Variants in ULK4 observed in about 807,000 individuals in gnomAD.
ULK4 encodes unc-51 like kinase 4, also known as inactive serine/threonine-protein kinase ULK4.
A neutral mutation model predicts 160.6 loss-of-function variants in ULK4; 133 were observed. That is an observed-to-expected ratio of 0.83 (90% CI 0.72 to 0.96). The LOEUF (loss-of-function observed/expected upper bound fraction) is 0.96, where lower values mean the gene tolerates loss of function less well. ULK4 is among the 40% of genes least tolerant of loss of function. The pLI, the probability that ULK4 is intolerant of heterozygous loss-of-function variation, is 0.00. For synonymous variants in ULK4, 534 were observed against 539.8 expected, an observed-to-expected ratio of 0.99 and a Z score of 0.15; for missense variants, 1,580 against 1,499.5, an observed-to-expected ratio of 1.05 and a Z score of -0.89.
rs750266031 is a variant in ULK4, at chr3:41,658,423, T to C, written c.3071+5184A>G. On this transcript the variant is annotated intron_variant, in intron 30 of 36. Coordinates refer to ENST00000301831, the MANE Select transcript of ULK4 (RefSeq NM_017886.4). ...CAGCCAAGTTTGGAAATCGCTTGCT[T>C]AAATATCTTTTGATAAGCAATTCCA... Among the ~76,000 whole-genome samples the C allele has an allele frequency of 7.6e-4, 116 of 152,202 alleles. 1 individual carries two copies. Among genetic ancestry groups the C allele is most frequent in the Non-Finnish European group, 3.4e-4 (23 of 68,038 alleles).
At chr3:41,659,157 A>T (rs961794105) in intron 30 of ULK4, among the ~76,000 whole-genome samples, 1 of 152,370 alleles carries the variant, frequency 6.6e-6, no homozygotes, top group African/African-American at 2.4e-5. Flanking sequence ...CAATGCTGAT[A>T]GAAATGTAAA....
Position 41,858,147 on chromosome 3 carries a change from GTT to G in ULK4, c.1657-22178_1657-22177del, listed in dbSNP as rs71288052. ...GTATCCCATAGGGTTTTTTTTGTTT[GTT>G]TTTTTTTTTTTTTTTTTTTTTGGCA... On this transcript the variant is annotated intron_variant, in intron 17 of 36. Coordinates refer to ENST00000301831, the MANE Select transcript of ULK4 (RefSeq NM_017886.4). 1.1e-3 allele frequency among the ~76,000 whole-genome samples: 102 copies of G among 92,136 alleles called. 1 individual carries two copies. The highest frequency in any genetic ancestry group is 3.0e-3 in the Admixed American group (21 of 6,992). The allele number at this position is 92,136 out of a possible 152,430, so 60.4% of individuals were successfully genotyped here.
At chr3:41,627,622 A>G (rs905658929) in intron 30 of ULK4, among the ~76,000 whole-genome samples, 1 of 152,238 alleles carries the variant, frequency 6.6e-6, no homozygotes, top group Non-Finnish European at 1.5e-5. Flanking sequence ...TATTTAATTT[A>G]TGATTAACAT....
chr3:41,592,581 T>A (rs2031420776), intron 31 of ULK4, among the ~76,000 whole-genome samples: 2 of 152,142 alleles, frequency 1.3e-5, no homozygotes, highest in Admixed American at 1.3e-4. Context: ...TTTTTTTAAA[T>A]AACAATAAAA....
At chr3:41,485,289 C>A (rs1299713976) in intron 32 of ULK4, among the ~76,000 whole-genome samples, 1 of 151,968 alleles carries the variant, frequency 6.6e-6, no homozygotes, top group Non-Finnish European at 1.5e-5. Context: ...GGGAATGCAA[C>A]AAACAAACAA....
rs564420730 is a variant in ULK4 at position 41,599,205 on chromosome 3, T to C, written c.3120+16464A>G. ...AGCTGATTAGGATGAGGATAATTAA[T>C]ATTTAGGTCAGCTGTTTAGGATGAG... On this transcript the variant is annotated intron_variant, in intron 31 of 36. Coordinates refer to ENST00000301831, the MANE Select transcript of ULK4 (RefSeq NM_017886.4). Among the ~76,000 whole-genome samples the C allele has an allele frequency of 4.6e-5, 7 of 152,254 alleles. No individual in the cohort carries two copies. The East Asian group carries it at 1.4e-3, about 29-fold the overall frequency.
intron 34 of ULK4, among the ~76,000 whole-genome samples, chr3:41,446,436 C>T (rs1261283193): frequency 2.6e-5 from 4 of 151,966 alleles, no homozygotes; most frequent in African/African-American, 7.3e-5. Flanking sequence ...CATATGTTTA[C>T]TGAGGCACTA....
At chr3:41,573,583 A>T (rs1212306390) in intron 31 of ULK4, among the ~76,000 whole-genome samples, 4 of 152,220 alleles carry the variant, frequency 2.6e-5, no homozygotes, top group Non-Finnish European at 5.9e-5. Flanking sequence ...AAAGACCACA[A>T]CTAATCATAG....
At chr3:41,283,102 T>C (rs920272585) in intron 35 of ULK4, among the ~76,000 whole-genome samples, 5 of 152,130 alleles carry the variant, frequency 3.3e-5, no homozygotes, top group African/African-American at 1.2e-4. Flanking sequence ...TGAAATACCA[T>C]CTCATGCCAG....
intron 31 of ULK4, 42 bp from the exon 32 acceptor site, chr3:41,566,172 C>A (rs1323119005): frequency 1.3e-6 from 2 of 1,512,788 alleles, no homozygotes; most frequent in Admixed American, 1.7e-5. Context: ...TACAGAAATA[C>A]AATTACATCA....
intron 20 of ULK4, among the ~76,000 whole-genome samples, chr3:41,790,114 G>A (rs2040105308): frequency 6.6e-6 from 1 of 152,088 alleles, no homozygotes; most frequent in Non-Finnish European, 1.5e-5. Context: ...ATAGAAAAAT[G>A]TCCCTTTAAT....
At chr3:41,703,926 G>A (rs1300685766) in intron 27 of ULK4, among the ~76,000 whole-genome samples, 1 of 151,716 alleles carries the variant, frequency 6.6e-6, no homozygotes, top group Non-Finnish European at 1.5e-5. Flanking sequence ...AATATGTGAG[G>A]AAACAAACTG....
intron 9 of ULK4, among the ~76,000 whole-genome samples, chr3:41,911,879 G>A (rs527675531): frequency 6.6e-5 from 10 of 152,286 alleles, no homozygotes; most frequent in Admixed American, 4.6e-4. Flanking sequence ...AAGGCCAGGC[G>A]TGGTGGTACA....
intron 32 of ULK4, among the ~76,000 whole-genome samples, chr3:41,475,157 C>A (rs1055028829): frequency 3.3e-5 from 5 of 151,952 alleles, no homozygotes; most frequent in African/African-American, 1.2e-4. Context: ...TTTTATTCAG[C>A]CTTAAAAAAG....
At chr3:41,333,588 G>A (rs1012552859) in intron 35 of ULK4, among the ~76,000 whole-genome samples, 1 of 152,104 alleles carries the variant, frequency 6.6e-6, no homozygotes, top group Non-Finnish European at 1.5e-5. Flanking sequence ...GGGTAAGCAA[G>A]GGTAGTGCCA....
At chr3:41,831,531 A>ATATATATATATATATAT in intron 18 of ULK4, among the ~76,000 whole-genome samples, 3 of 138,060 alleles carry the variant, frequency 2.2e-5, no homozygotes, top group African/African-American at 8.5e-5. Flanking sequence ...ATATATATAT[A>ATATATATATATATATAT]TTTTTTTTTC....
chr3:41,503,914 G>T (rs1478886217), intron 32 of ULK4, among the ~76,000 whole-genome samples: 1 of 152,074 alleles, frequency 6.6e-6, no homozygotes, highest in Non-Finnish European at 1.5e-5. Context: ...TCAACATTTG[G>T]AACTAGTCAT....
intron 22 of ULK4, among the ~76,000 whole-genome samples, chr3:41,735,687 T>TTCATTATTATTA (rs2038009469): frequency 6.9e-6 from 1 of 144,494 alleles, no homozygotes; most frequent in Non-Finnish European, 1.5e-5. Flanking sequence ...CTAAGTCCAT[T>TTCATTATTATTA]TTATTATTAT....
rs2083190566 is a variant in ULK4, at chr3:41,442,300, G to A, written c.3492+13197C>T. On this transcript the variant is annotated intron_variant, in intron 34 of 36. Coordinates refer to ENST00000301831, the MANE Select transcript of ULK4 (RefSeq NM_017886.4). The stretch of plus-strand genomic sequence containing the variant: ...TAAGATAGAAATGGGGACTTAAAAT[G>A]TTTTGTGATTATAAAAGTGGTAAAT... 2.0e-5 allele frequency among the ~76,000 whole-genome samples: 3 copies of A among 152,102 alleles called. No individual in the cohort carries two copies. In the South Asian group the frequency reaches 6.2e-4, roughly 31 times the overall value.
Sources: gnomAD v4.1 joint callset for allele counts (sites outside exome capture counted in the v4.1 genomes callset) on GRCh38, gnomAD v4.1.1 for gene constraint, MANE v1.5 for transcripts, NCBI Gene and HGNC (gene_info 2026-07-23, HGNC 2026-07-21) for gene names.